Variants in SLC3A2 observed in about 807,000 individuals in gnomAD.
SLC3A2 encodes the protein solute carrier family 3 member 2.
Under a neutral mutation model 48.5 loss-of-function variants are expected in SLC3A2, and 32 were observed. The observed-to-expected ratio is 0.66, with a 90% CI of 0.50 to 0.89. The LOEUF (loss-of-function observed/expected upper bound fraction) is 0.89. Ranked by LOEUF, SLC3A2 falls within the 40% of genes least tolerant of loss-of-function variation. The probability of loss-of-function intolerance (pLI) is 0.00; values close to 1 mark genes in which losing one functional copy is unlikely to be tolerated. For missense variants in SLC3A2, 587 were observed against 680.7 expected (o/e 0.86, Z 1.53); for synonymous variants, 277 against 288.8 (o/e 0.96, Z 0.41).
At position 62,881,960 on chromosome 11, in the gene SLC3A2, CAAG is replaced by C. The variant is rs1484488087; in HGVS notation, c.495_497del (p.Lys165del). ...AGGGCCTTGTGCTGGGTCCAATTCA[CAAG>C]AACCAGAAGGATGATGTCGCTCAGA... On this transcript the variant is annotated inframe_deletion, in exon 2 of 9. Coordinates refer to ENST00000338663, the MANE Select transcript of SLC3A2 (RefSeq NM_001013251.3). This position sits in a 1 kb window ranked among gnomAD's most constrained non-coding sequence, Gnocchi z 4.0. 1 of 1,614,148 alleles carries C rather than the reference CAAG, an allele frequency of 6.2e-7. No individual in the cohort carries two copies. The highest frequency in any genetic ancestry group is 1.1e-5 in the South Asian group (1 of 91,082).
At position 62,863,342 on chromosome 11, in the gene SLC3A2, C is replaced by T. The variant is rs573670444; in HGVS notation, c.112+6961C>T. 3.0e-4 allele frequency among the ~76,000 whole-genome samples: 46 copies of T among 152,276 alleles called. No homozygotes were observed. The East Asian group carries it at 4.0e-3, about 13-fold the overall frequency. ...TCAGAGGATCCTCCCACCTCAGCCT[C>T]CTGAGTAACTGGGACTGTAGGCATG... On this transcript the variant is annotated intron_variant, in intron 1 of 9. Transcript: ENST00000377889.
chr11:62,881,072 T>G lies in SLC3A2; in HGVS notation c.49T>G (p.Leu17Val), dbSNP rs1590632062. ...VDMKEVELNE[L>V]EPEKQPMNAA... is the part of the protein sequence containing the mutation. ...TATGAAGGAGGTGGAGCTGAATGAG[T>G]TAGAGCCCGAGAAGCAGCCGATGAA... The change falls in exon 1 of 9, where the codon TTA (leucine) becomes GTA (valine). Residue 17 changes from leucine to valine, a missense_variant. Transcript: ENST00000338663. This position sits in a 1 kb window ranked among gnomAD's most constrained non-coding sequence, Gnocchi z 4.0. The G allele has an allele frequency of 2.5e-6, 4 of 1,606,894 alleles. No individual in the cohort carries two copies. In the East Asian group the frequency reaches 8.9e-5, roughly 36 times the overall value.
In SLC3A2 at chr11:62,885,470, T is replaced by C. The variant is rs2085699903; in HGVS notation, c.1005T>C (p.Ser335=). ...TGNRWCSWSL[S]QARLLTSFLP... ...TGGAGTGTCTCTCCCTGTAGTTGTC[T>C]CAGGCAAGGCTCCTGACTTCCTTCT... is the stretch of plus-strand genomic sequence containing the variant. The change falls in exon 7 of 9, where the codon TCT becomes TCC. Residue 335 remains serine, a synonymous_variant. Coordinates refer to ENST00000338663, the MANE Select transcript of SLC3A2 (RefSeq NM_001013251.3). 1.9e-6 allele frequency: 3 copies of C among 1,614,204 alleles called. No homozygotes were observed. The highest frequency in any genetic ancestry group is 1.3e-5 in the African/African-American group (1 of 75,048).
At chr11:62,882,309 TATAG>T in intron 2 of SLC3A2, 1 of 484,598 alleles carries the variant, frequency 2.1e-6, no homozygotes, top group Non-Finnish European at 3.7e-6. Context: ...ATTTGCAAAA[TATAG>T]ATATTTACTA....
intron 5 of SLC3A2, 123 bp downstream of exon 5, chr11:62,884,813 CTTTTTTTTTTTTTTT>C (rs541507991): frequency 7.3e-4 from 41 of 55,986 alleles, no homozygotes; most frequent in Admixed American, 1.8e-3. Flanking sequence ...CTTTCTTTAG[CTTTTTTTTTTTTTTT>C]TTTTTTTTTT....
At chr11:62,870,850 ATAATAATTATTATTATTATTATTATTAT>A (rs1450955432) in intron 1 of SLC3A2, 1 of 134,782 alleles carries the variant, frequency 7.4e-6, no homozygotes, top group South Asian at 1.4e-4. Flanking sequence ...AATAATAATA[ATAATAATTATTATTATTATTATTATTAT>A]TATTATTATT....
At chr11:62,880,872 C>T, upstream of SLC3A2, 1 of 1,417,316 alleles carries the variant, frequency 7.1e-7, no homozygotes, top group South Asian at 1.5e-5. Context: ...TGCCCCTTCC[C>T]AGAGGCCGCG....
In SLC3A2 at chr11:62,885,134, TTC is replaced by T. The variant is rs753778971; in HGVS notation, c.819-41_819-40del. ...GCGTGAGCCACTGCGCCTGGCCCCA[TTC>T]TTTCTTGTGCTAACCTTGAACTCCT... On this transcript the variant is annotated intron_variant, in intron 5 of 8. Transcript: ENST00000338663. 1.9e-5 allele frequency: 30 copies of T among 1,604,736 alleles called. No homozygotes were observed. The African/African-American group carries it at 4.0e-4, about 21-fold the overall frequency.
At chr11:62,884,080 T>C in intron 3 of SLC3A2, 1 of 467,230 alleles carries the variant, frequency 2.1e-6, no homozygotes, top group Non-Finnish European at 4.3e-6. Context: ...GTCTCCCTGC[T>C]TCTCTGGGTC....
At chr11:62,857,621 T>C (rs1229197247) in intron 1 of SLC3A2, among the ~76,000 whole-genome samples, 1 of 137,456 alleles carries the variant, frequency 7.3e-6, no homozygotes, top group African/African-American at 2.7e-5. Context: ...GCCCAGGAGG[T>C]TGAGACTGCA....
Position 62,888,638 on chromosome 11 carries a change from G to A in SLC3A2, c.1535G>A (p.Arg512His), listed in dbSNP as rs374261898. The change falls in exon 9 of 9, where the codon CGC (arginine) becomes CAC (histidine). Residue 512 changes from arginine (R) to histidine (H), a missense_variant. By Grantham distance (29) the Arg-to-His change is conservative. Transcript: ENST00000338663. ...GAGGGCTCCCCTCTTGAGCTGGAAC[G>A]CCTGAAACTGGAGCCTCACGAAGGG... ...REEGSPLELE[R>H]LKLEPHEGLL... 86 of 1,606,692 alleles carry A rather than the reference G, an allele frequency of 5.4e-5. No individual in the cohort carries two copies. The highest frequency in any genetic ancestry group is 7.2e-5 in the Non-Finnish European group (85 of 1,179,776).
At chr11:62,875,322 G>A (rs55646205) in intron 1 of SLC3A2, among the ~76,000 whole-genome samples, 1 of 152,084 alleles carries the variant, frequency 6.6e-6, no homozygotes, top group Non-Finnish European at 1.5e-5. Context: ...CGAGGCGAGT[G>A]GATCACGAGA....
At chr11:62,887,977 G>GT in intron 7 of SLC3A2, 158 bp from the exon 8 acceptor site, 1 of 617,670 alleles carries the variant, frequency 1.6e-6, no homozygotes. Flanking sequence ...AAATTTTGTA[G>GT]TAGAGATGAG....
intron 1 of SLC3A2, among the ~76,000 whole-genome samples, chr11:62,871,964 G>A (rs748046049): frequency 2.0e-5 from 3 of 152,116 alleles, no homozygotes; most frequent in Non-Finnish European, 4.4e-5. Flanking sequence ...CCAGGCTGGA[G>A]TGCGGTGGCG....
intron 7 of SLC3A2, 67 bp downstream of exon 7, chr11:62,885,675 TGGC>T (rs779051456): frequency 1.0e-4 from 161 of 1,563,532 alleles, no homozygotes; most frequent in Non-Finnish European, 1.4e-4. Context: ...ATTCTGGGGA[TGGC>T]GGCACATAGA....
chr11:62,867,322 CTT>C (rs56758000), intron 1 of SLC3A2, among the ~76,000 whole-genome samples: 177 of 67,674 alleles, frequency 2.6e-3, no homozygotes, highest in South Asian at 5.5e-3. Context: ...CTTTTCTTTT[CTT>C]TTTTTTTTTT....
intron 7 of SLC3A2, among the ~76,000 whole-genome samples, chr11:62,887,369 G>A (rs932924744): frequency 5.9e-5 from 9 of 152,126 alleles, no homozygotes; most frequent in Non-Finnish European, 1.0e-4. Context: ...CAGTGTATGT[G>A]TGAGGACCCT....
At chr11:62,858,714 A>G (rs577351130) in intron 1 of SLC3A2, among the ~76,000 whole-genome samples, 1 of 152,166 alleles carries the variant, frequency 6.6e-6, no homozygotes, top group South Asian at 2.1e-4. Context: ...GTGTTTCTCG[A>G]AGAGGGGGTT....
chr11:62,886,965 T>A (rs983797475), intron 7 of SLC3A2, among the ~76,000 whole-genome samples: 2 of 152,260 alleles, frequency 1.3e-5, no homozygotes, highest in Non-Finnish European at 1.5e-5. Flanking sequence ...CTCAAACTCC[T>A]GGGTGCAAAT....
Sources: gnomAD v4.1 joint callset for allele counts (sites outside exome capture counted in the v4.1 genomes callset) on GRCh38, gnomAD v4.1.1 for gene constraint, Gnocchi (gnomAD v3.1) non-coding constraint, MANE v1.5 for transcripts, NCBI Gene and HGNC (gene_info 2026-07-23, HGNC 2026-07-21) for gene names.